Variants in MARCHF8 observed in about 807,000 individuals in gnomAD.
MARCHF8 encodes membrane associated ring-CH-type finger 8.
MARCHF8 carries 40 observed loss-of-function variants against 51.6 expected under a neutral mutation model. The observed-to-expected ratio is 0.77, with a 90% CI of 0.60 to 1.01. The LOEUF (loss-of-function observed/expected upper bound fraction) is 1.01, where lower values mean the gene tolerates loss of function less well. Among genes scored for constraint, MARCHF8 ranks in the 50% least tolerant of loss-of-function variants. The pLI, the probability that MARCHF8 is intolerant of heterozygous loss-of-function variation, is 0.00. For missense variants in MARCHF8, 685 were observed against 708.6 expected (o/e 0.97, Z 0.38); for synonymous variants, 263 against 280.3 (o/e 0.94, Z 0.62).
upstream of MARCHF8, among the ~76,000 whole-genome samples, chr10:45,535,621 T>G (rs1297267387): frequency 2.0e-5 from 3 of 152,210 alleles, no homozygotes; most frequent in African/African-American, 7.2e-5. Flanking sequence ...GCCACACATA[T>G]TTAGGATAAA....
intron 1 of MARCHF8, among the ~76,000 whole-genome samples, chr10:45,577,492 T>C (rs1259717468): frequency 6.6e-6 from 1 of 152,068 alleles, no homozygotes; most frequent in East Asian, 1.9e-4. Context: ...CAAATATATA[T>C]ATACCTACTA....
chr10:45,460,450 CTG>C (rs763547779), intron 6 of MARCHF8, among the ~76,000 whole-genome samples: 1 of 152,232 alleles, frequency 6.6e-6, no homozygotes, highest in African/African-American at 2.4e-5. Context: ...TTCTGAATGA[CTG>C]TTATGCTCTA....
At chr10:45,519,912 G>C (rs1314961317) in intron 2 of MARCHF8, among the ~76,000 whole-genome samples, 2 of 152,216 alleles carry the variant, frequency 1.3e-5, no homozygotes, top group Non-Finnish European at 2.9e-5. Context: ...CTAGTTTCTA[G>C]CCCAGGTGAC....
intron 1 of MARCHF8, among the ~76,000 whole-genome samples, chr10:45,543,355 C>T (rs745908363): frequency 1.3e-5 from 2 of 152,160 alleles, no homozygotes; most frequent in Non-Finnish European, 2.9e-5. Context: ...CTTGAATGCC[C>T]ACCTTTGCAG....
intron 1 of MARCHF8, 39 bp from the exon 2 acceptor site, chr10:45,533,328 A>G (rs555152880): frequency 7.9e-7 from 1 of 1,260,658 alleles, no homozygotes; most frequent in South Asian, 2.4e-5. Context: ...TAACTCAGCT[A>G]AAACACTTTA....
chr10:45,520,102 G>C (rs1170357249), intron 2 of MARCHF8, among the ~76,000 whole-genome samples: 10 of 152,126 alleles, frequency 6.6e-5, no homozygotes, highest in Non-Finnish European at 1.5e-5. Flanking sequence ...TTGATTCTCA[G>C]CTTCCAAATC....
upstream of MARCHF8, among the ~76,000 whole-genome samples, chr10:45,539,609 T>C (rs1476440883): frequency 6.6e-6 from 1 of 151,886 alleles, no homozygotes; most frequent in East Asian, 1.9e-4. Context: ...AAGAATCAAA[T>C]AGAAGCAATA....
intron 1 of MARCHF8, among the ~76,000 whole-genome samples, chr10:45,574,234 A>G (rs1410467407): frequency 6.6e-6 from 1 of 152,190 alleles, no homozygotes; most frequent in African/African-American, 2.4e-5. Context: ...AAAGCCTGTT[A>G]TCACTCACCT....
chr10:45,515,982 G>C (rs1435845875), intron 2 of MARCHF8, among the ~76,000 whole-genome samples: 1 of 152,110 alleles, frequency 6.6e-6, no homozygotes, highest in Non-Finnish European at 1.5e-5. Flanking sequence ...ATGTCCACCA[G>C]AAAGTGTCTA....
chr10:45,570,839 C>T (rs182364808), intron 1 of MARCHF8, among the ~76,000 whole-genome samples: 8 of 152,184 alleles, frequency 5.3e-5, no homozygotes, highest in Non-Finnish European at 5.9e-5. Flanking sequence ...AAACGTTTCT[C>T]AATACCAAAA....
At chr10:45,535,550 T>C (rs185317018), upstream of MARCHF8, among the ~76,000 whole-genome samples, 174 of 152,338 alleles carry the variant, frequency 1.1e-3, no homozygotes, top group Non-Finnish European at 2.0e-3. Context: ...AGTCTTTTGA[T>C]ATGTACCACC....
At chr10:45,560,756 C>T (rs570903518) in intron 1 of MARCHF8, among the ~76,000 whole-genome samples, 1 of 152,184 alleles carries the variant, frequency 6.6e-6, no homozygotes, top group African/African-American at 2.4e-5. Context: ...ATGAAGAGAA[C>T]AGCAGAAATG....
chr10:45,548,311 CAGAG>C (rs1247097652), intron 1 of MARCHF8, among the ~76,000 whole-genome samples: 1 of 152,154 alleles, frequency 6.6e-6, no homozygotes, highest in African/African-American at 2.4e-5. Context: ...AGTAGAGTAA[CAGAG>C]AGACACCACA....
At chr10:45,489,234 C>G (rs2043038953) in intron 3 of MARCHF8, 133 bp downstream of exon 3, 1 of 704,060 alleles carries the variant, frequency 1.4e-6, no homozygotes, top group South Asian at 2.0e-5. Context: ...CTTATGGTCC[C>G]AGAACAGATT....
In MARCHF8 at chr10:45,567,226, G is replaced by A. The variant is rs150683358; in HGVS notation, c.-79+27009C>T. On this transcript the variant is annotated intron_variant, in intron 1 of 6. Coordinates refer to the MARCHF8 transcript ENST00000319836. ...GCAAATATTTTCTCCCATTCTGTAC[G>A]TTGTCTCTTCCTTTTGTTGACTGTA... Among the ~76,000 whole-genome samples the A allele has an allele frequency of 4.7e-4, 71 of 152,164 alleles. No homozygotes were observed. The East Asian group carries it at 8.9e-3, about 19-fold the overall frequency.
intron 1 of MARCHF8, among the ~76,000 whole-genome samples, chr10:45,553,505 A>T (rs1406627698): frequency 6.6e-6 from 1 of 152,216 alleles, no homozygotes; most frequent in African/African-American, 2.4e-5. Flanking sequence ...TGTTTTATTT[A>T]AAACTGAAAT....
Position 45,560,297 on chromosome 10 carries a change from A to G in MARCHF8, c.-78-27008T>C, listed in dbSNP as rs561256796. 2.0e-5 allele frequency among the ~76,000 whole-genome samples: 3 copies of G among 152,298 alleles called. No homozygotes were observed. The South Asian group carries it at 6.2e-4, about 32-fold the overall frequency. ...TTGGAAGGCCAAGAGGTTTTATAAA[A>G]GCTTTGGAAAACGATTTGGCTGAAG... is the stretch of plus-strand genomic sequence containing the variant. On this transcript the variant is annotated intron_variant, in intron 1 of 6. Coordinates refer to the MARCHF8 transcript ENST00000319836.
intron 1 of MARCHF8, among the ~76,000 whole-genome samples, chr10:45,579,342 GAC>G (rs1199246635): frequency 6.7e-5 from 10 of 149,454 alleles, no homozygotes; most frequent in Admixed American, 6.0e-4. Flanking sequence ...TAAAGCAAAA[GAC>G]ATAACTAGAA....
chr10:45,508,536 C>A (rs2043431949), intron 2 of MARCHF8, among the ~76,000 whole-genome samples: 1 of 152,254 alleles, frequency 6.6e-6, no homozygotes, highest in Admixed American at 6.5e-5. Context: ...GTTACAACTT[C>A]ACTTTTCAAA....
Sources: allele counts gnomAD v4.1 joint callset (sites outside exome capture counted in the v4.1 genomes callset), GRCh38; gene constraint gnomAD v4.1.1; transcripts MANE v1.5; gene names NCBI Gene and HGNC (gene_info 2026-07-23, HGNC 2026-07-21).